The following PPP2R2C variants were observed in gnomAD, a reference collection of about 807,000 sequenced individuals.
The protein encoded by PPP2R2C is protein phosphatase 2, regulatory subunit B, gamma.
In PPP2R2C, 10 loss-of-function variants were observed where a neutral mutation model predicts 45.3. The observed-to-expected ratio is 0.22, with a 90% CI of 0.14 to 0.37. The LOEUF is 0.37. Among genes scored for constraint, PPP2R2C ranks in the 10% least tolerant of loss-of-function variants. The pLI, the probability that PPP2R2C is intolerant of heterozygous loss-of-function variation, is 1.00. For synonymous variants in PPP2R2C, 257 were observed against 245.4 expected, an observed-to-expected ratio of 1.05 and a Z score of -0.44; for missense variants, 308 against 619.7, an observed-to-expected ratio of 0.50 and a Z score of 5.34.
intron 1 of PPP2R2C, among the ~76,000 whole-genome samples, chr4:6,385,554 A>G (rs1056956765): frequency 6.6e-6 from 1 of 151,804 alleles, no homozygotes; most frequent in African/African-American, 2.4e-5. Flanking sequence ...CTCTCCTACA[A>G]CTGCAGGCTT....
chr4:6,382,861 C>T (rs865780129), intron 1 of PPP2R2C: 9 of 1,123,048 alleles, frequency 8.0e-6, no homozygotes, highest in South Asian at 2.0e-5. Context: ...GCTGGTAACA[C>T]CCAGGACTGA....
intron 1 of PPP2R2C, among the ~76,000 whole-genome samples, chr4:6,439,937 T>C (rs536737174): frequency 6.6e-6 from 1 of 152,174 alleles, no homozygotes; most frequent in Non-Finnish European, 1.5e-5. Context: ...CCACCTGCCC[T>C]ACGTCTTCAC....
intron 1 of PPP2R2C, chr4:6,381,857 C>T (rs781448588): frequency 2.5e-6 from 4 of 1,612,718 alleles, no homozygotes; most frequent in Admixed American, 1.7e-5. Context: ...CTCCAGGCCC[C>T]ACTTTTTGCA....
rs1039864145 is a variant in PPP2R2C, at chr4:6,328,521, C to A, written c.1052+741G>T. 6.6e-6 allele frequency among the ~76,000 whole-genome samples: 1 copy of A among 152,168 alleles called. No homozygotes were observed. The highest frequency in any genetic ancestry group is 2.4e-5 in the African/African-American group (1 of 41,436). ...TTTGGGAGGGCAGAAGAGGGATTTTCCCACCTCCAGAATGGAGGAAGAATC... is the reference window on the plus strand; with the variant it reads ...TTTGGGAGGGCAGAAGAGGGATTTTACCACCTCCAGAATGGAGGAAGAATC... On this transcript the variant is annotated intron_variant, in intron 8 of 8. Coordinates refer to ENST00000382599, the MANE Select transcript of PPP2R2C (RefSeq NM_020416.4). The surrounding 1 kb of genome is among the most constrained non-coding windows in gnomAD (Gnocchi z 4.4).
intron 1 of PPP2R2C, among the ~76,000 whole-genome samples, chr4:6,542,927 C>T (rs1046418296): frequency 2.0e-5 from 3 of 152,106 alleles, no homozygotes; most frequent in Non-Finnish European, 2.9e-5. Flanking sequence ...ATTAGAAGGA[C>T]AAAATTGTCG....
intron 6 of PPP2R2C, 76 bp downstream of exon 6, chr4:6,347,770 G>A: frequency 1.4e-6 from 2 of 1,459,796 alleles, no homozygotes; most frequent in Non-Finnish European, 1.8e-6. Flanking sequence ...CCCTGCAGCA[G>A]CTGCACCAGG....
chr4:6,341,200 G>A (rs1733415768), intron 6 of PPP2R2C, among the ~76,000 whole-genome samples: 1 of 152,178 alleles, frequency 6.6e-6, no homozygotes, highest in African/African-American at 2.4e-5. Context: ...AAAGTCGGGT[G>A]TGGTGGCCGG....
chr4:6,428,530 C>T (rs10004283), intron 1 of PPP2R2C, among the ~76,000 whole-genome samples: 108,145 of 152,146 alleles, frequency 0.71, 38,897 homozygotes, highest in Non-Finnish European at 0.75. Flanking sequence ...CAGAGTCACC[C>T]GTGACTTAAG....
chr4:6,401,609 T>C (rs1006838817), intron 1 of PPP2R2C, among the ~76,000 whole-genome samples: 4 of 152,098 alleles, frequency 2.6e-5, no homozygotes, highest in African/African-American at 9.7e-5. Context: ...CGGTCTGAGA[T>C]AGCCCTTTGA....
At chr4:6,352,853 T>G (rs1712695535) in intron 5 of PPP2R2C, among the ~76,000 whole-genome samples, 1 of 152,012 alleles carries the variant, frequency 6.6e-6, no homozygotes, top group South Asian at 2.1e-4. Flanking sequence ...TCTTTGCAGA[T>G]GTAGTTAAAG....
intron 2 of PPP2R2C, among the ~76,000 whole-genome samples, chr4:6,524,200 G>A (rs1724120896): frequency 2.0e-5 from 3 of 152,134 alleles, no homozygotes; most frequent in African/African-American, 7.2e-5. Context: ...GGAATTACAG[G>A]CGTGAGCCAC....
intron 1 of PPP2R2C, among the ~76,000 whole-genome samples, chr4:6,449,948 C>T (rs887471146): frequency 6.6e-6 from 1 of 152,242 alleles, no homozygotes; most frequent in African/African-American, 2.4e-5. Flanking sequence ...TCGGCGCCAC[C>T]TCCTCTCCAG....
At chr4:6,418,470 G>A (rs1316813065) in intron 1 of PPP2R2C, among the ~76,000 whole-genome samples, 1 of 152,222 alleles carries the variant, frequency 6.6e-6, no homozygotes, top group Non-Finnish European at 1.5e-5. Flanking sequence ...TCACCAGCTC[G>A]CACGCTTAAA....
intron 1 of PPP2R2C, among the ~76,000 whole-genome samples, chr4:6,463,928 T>C (rs4386674): frequency 0.62 from 93,551 of 151,902 alleles, 29,354 homozygotes; most frequent in East Asian, 0.72. Context: ...AATCCCAAAA[T>C]CTCCTAAGTG....
chr4:6,387,227 A>G (rs2109325265), intron 1 of PPP2R2C, among the ~76,000 whole-genome samples: 1 of 152,326 alleles, frequency 6.6e-6, no homozygotes, highest in East Asian at 1.9e-4. Flanking sequence ...GGTAAAAGAC[A>G]TCAATTTACA....
At chr4:6,431,593 C>G (rs1719627460) in intron 1 of PPP2R2C, among the ~76,000 whole-genome samples, 2 of 152,208 alleles carry the variant, frequency 1.3e-5, no homozygotes, top group Non-Finnish European at 2.9e-5. Flanking sequence ...CCAGAGCCCC[C>G]CCTTCCCTGG....
chr4:6,401,530 G>C (rs907952803), intron 1 of PPP2R2C, among the ~76,000 whole-genome samples: 1 of 151,996 alleles, frequency 6.6e-6, no homozygotes, highest in Non-Finnish European at 1.5e-5. Flanking sequence ...AAGGGCAAGG[G>C]CAAGACCAAG....
chr4:6,419,167 T>C (rs562370737), intron 1 of PPP2R2C, among the ~76,000 whole-genome samples: 1 of 152,310 alleles, frequency 6.6e-6, no homozygotes, highest in Admixed American at 6.5e-5. Context: ...CAACAGATCC[T>C]AGCACTTTGG....
intron 2 of PPP2R2C, among the ~76,000 whole-genome samples, chr4:6,528,177 G>A (rs896934173): frequency 4.2e-4 from 64 of 152,210 alleles, no homozygotes; most frequent in African/African-American, 1.4e-3. Context: ...GGAAGTCCTC[G>A]GCCCCTGCCC....
Sources: gnomAD v4.1 joint callset for allele counts (sites outside exome capture counted in the v4.1 genomes callset) on GRCh38, gnomAD v4.1.1 for gene constraint, Gnocchi (gnomAD v3.1) non-coding constraint, MANE v1.5 for transcripts, NCBI Gene and HGNC (gene_info 2026-07-23, HGNC 2026-07-21) for gene names.